The following GATA4 variants were observed in gnomAD, a reference collection of about 807,000 sequenced individuals.
The protein encoded by GATA4 is GATA binding protein 4.
GATA4 carries 7 observed loss-of-function variants against 37.9 expected under a neutral mutation model. The observed-to-expected ratio is 0.18, with a 90% confidence interval of 0.11 to 0.35. The LOEUF (loss-of-function observed/expected upper bound fraction) is 0.35, where lower values mean the gene tolerates loss of function less well. Ranked by LOEUF, GATA4 falls within the 10% of genes least tolerant of loss-of-function variation. The pLI is 1.00. For missense variants in GATA4, 647 were observed against 653.0 expected (o/e 0.99, Z 0.10); for synonymous variants, 372 against 292.6 (o/e 1.27, Z -2.77).
intron 4 of GATA4, among the ~76,000 whole-genome samples, chr8:11,753,191 G>A (rs1299836243): frequency 6.6e-6 from 1 of 152,178 alleles, no homozygotes; most frequent in Non-Finnish European, 1.5e-5. Context: ...TAAACACAGT[G>A]TGATATACAT....
Position 11,709,283 on chromosome 8 carries a change from T to C in GATA4, c.616+355T>C, listed in dbSNP as rs1259321463. 6.6e-6 allele frequency among the ~76,000 whole-genome samples: 1 copy of C among 152,042 alleles called. No homozygotes were observed. The highest frequency in any genetic ancestry group is 1.5e-5 in the Non-Finnish European group (1 of 68,010). On this transcript the variant is annotated intron_variant, in intron 2 of 6. Coordinates refer to ENST00000532059, the MANE Select transcript of GATA4 (RefSeq NM_001308093.3). This position sits in a 1 kb window ranked among gnomAD's most constrained non-coding sequence, Gnocchi z 4.3. ...GAGAGCCGGGGGCAGCGGCCTGGGA[T>C]TTCCTCGTGGAAGGTGCTGGAGATT...
At chr8:11,736,459 C>T (rs1166445836) in intron 2 of GATA4, among the ~76,000 whole-genome samples, 3 of 152,250 alleles carry the variant, frequency 2.0e-5, no homozygotes, top group Non-Finnish European at 4.4e-5. Context: ...GCCTTTAAGT[C>T]TGGTCTGCGT....
At chr8:11,738,806 C>T (rs775570913) in intron 2 of GATA4, among the ~76,000 whole-genome samples, 3 of 152,226 alleles carry the variant, frequency 2.0e-5, no homozygotes, top group Non-Finnish European at 4.4e-5. Flanking sequence ...AACCCCAGGG[C>T]ACAGTACTAT....
At chr8:11,681,336 C>T (rs535111788) in intron 1 of GATA4, 21 of 985,302 alleles carry the variant, frequency 2.1e-5, no homozygotes, top group Non-Finnish European at 2.5e-5. Flanking sequence ...TGCGCCCCAA[C>T]CCATCAAATT....
intron 5 of GATA4, 132 bp downstream of exon 5, chr8:11,755,265 C>T: frequency 1.4e-6 from 1 of 713,888 alleles, no homozygotes; most frequent in Non-Finnish European, 2.5e-6. Flanking sequence ...ACATCCCTGG[C>T]CTTTCAGGAC....
intron 1 of GATA4, chr8:11,697,447 A>G: frequency 6.9e-6 from 4 of 576,556 alleles, no homozygotes; most frequent in Non-Finnish European, 8.8e-6. Context: ...TTCTAACAAT[A>G]GGAACCTCCC....
intron 2 of GATA4, among the ~76,000 whole-genome samples, chr8:11,724,338 G>A (rs1301452569): frequency 6.6e-6 from 1 of 152,066 alleles, no homozygotes; most frequent in Non-Finnish European, 1.5e-5. Context: ...GCCCAAAAGC[G>A]GCATTGCTGG....
chr8:11,681,401 T>C, intron 1 of GATA4: 1 of 983,808 alleles, frequency 1.0e-6, no homozygotes, highest in Non-Finnish European at 1.2e-6. Flanking sequence ...CCTTCCGGGA[T>C]CACGCGTGGC....
At chr8:11,750,328 T>C (rs1802241697) in intron 4 of GATA4, 92 bp downstream of exon 4, 1 of 1,548,268 alleles carries the variant, frequency 6.5e-7, no homozygotes. Flanking sequence ...TAGCATTCAT[T>C]TTTCCTTCTT....
Position 11,708,751 on chromosome 8 carries a change from G to C in GATA4, c.439G>C (p.Glu147Gln). 1 of 1,361,658 alleles carries C rather than the reference G, an allele frequency of 7.3e-7. No individual in the cohort carries two copies. Among genetic ancestry groups the C allele is most frequent in the Non-Finnish European group, 9.4e-7 (1 of 1,062,890 alleles). 84.3% of individuals were successfully genotyped at this position (1,361,658 alleles called of 1,614,324 possible). A position where few individuals can be genotyped will look rare whatever the true frequency, so the allele number is the denominator to read the frequency against. ...GGCGGGTGCGGGCCTGGCGGGCCGC[G>C]AGCAGTACGGGCGCGCCGGCTTCGC... ...GAAGAGLAGREQYGRAGFAGS... is the reference protein window; with the variant it reads ...GAAGAGLAGRQQYGRAGFAGS... Residue 147 changes from glutamate (E) to glutamine (Q), a missense_variant, in exon 2 of 7, where the codon GAG (glutamate) becomes CAG (glutamine). Transcript: ENST00000532059. This position sits in a 1 kb window ranked among gnomAD's most constrained non-coding sequence, Gnocchi z 6.7.
chr8:11,729,542 C>T (rs1415491333), intron 2 of GATA4, among the ~76,000 whole-genome samples: 3 of 137,048 alleles, frequency 2.2e-5, no homozygotes, highest in East Asian at 2.2e-4. Context: ...GGCAACAGTG[C>T]GAGACTGTGT....
chr8:11,745,279 G>A (rs1411704660), intron 2 of GATA4, among the ~76,000 whole-genome samples: 2 of 152,026 alleles, frequency 1.3e-5, no homozygotes, highest in Non-Finnish European at 2.9e-5. Context: ...ATTCTGGGGT[G>A]GGCACAGTTC....
chr8:11,744,804 T>C, intron 2 of GATA4, among the ~76,000 whole-genome samples: 1 of 152,232 alleles, frequency 6.6e-6, no homozygotes, highest in Non-Finnish European at 1.5e-5. Context: ...TTACTTTGGC[T>C]GTTTTGGTAA....
At chr8:11,686,019 C>T (rs1190919819) in intron 1 of GATA4, among the ~76,000 whole-genome samples, 1 of 152,184 alleles carries the variant, frequency 6.6e-6, no homozygotes, top group South Asian at 2.1e-4. Context: ...AATCACAAGA[C>T]AGCTCTTAAT....
chr8:11,694,293 G>A (rs1176443295), intron 1 of GATA4, among the ~76,000 whole-genome samples: 1 of 152,240 alleles, frequency 6.6e-6, no homozygotes, highest in Non-Finnish European at 1.5e-5. Flanking sequence ...TAGGCTGAAA[G>A]AACTCACAGA....
intron 1 of GATA4, chr8:11,698,094 G>A (rs994986255): frequency 1.1e-5 from 9 of 822,604 alleles, no homozygotes; most frequent in Non-Finnish European, 1.3e-5. Flanking sequence ...TCTGGCGTCC[G>A]TCCTCTCCCA....
chr8:11,700,740 C>G (rs1396717463), upstream of GATA4: 2 of 152,236 alleles, frequency 1.3e-5, no homozygotes, highest in African/African-American at 4.8e-5. Context: ...GCCGCAGAGG[C>G]GCGTCCATAT....
At chr8:11,697,079 C>A (rs566965332) in intron 1 of GATA4, among the ~76,000 whole-genome samples, 4 of 152,356 alleles carry the variant, frequency 2.6e-5, no homozygotes, top group African/African-American at 9.6e-5. Flanking sequence ...CCAGTGCCCT[C>A]CACCTAGGTG....
intron 2 of GATA4, among the ~76,000 whole-genome samples, chr8:11,738,929 T>C (rs1177932960): frequency 6.6e-6 from 1 of 152,218 alleles, no homozygotes; most frequent in Non-Finnish European, 1.5e-5. Context: ...AAGCTCTTCA[T>C]GTACATTCTA....
Sources: gnomAD v4.1 joint callset for allele counts (sites outside exome capture counted in the v4.1 genomes callset) on GRCh38, gnomAD v4.1.1 for gene constraint, Gnocchi (gnomAD v3.1) non-coding constraint, MANE v1.5 for transcripts, NCBI Gene and HGNC (gene_info 2026-07-23, HGNC 2026-07-21) for gene names.